Variants in ANO4 observed in about 807,000 individuals in gnomAD.
The protein encoded by ANO4 is anoctamin-4.
Under a neutral mutation model 141.9 loss-of-function variants are expected in ANO4, and 69 were observed. That is an observed-to-expected ratio of 0.49 (90% CI 0.40 to 0.59). The LOEUF is 0.59. ANO4 is among the 20% of genes least tolerant of loss of function. ANO4 has a pLI of 0.00. For missense variants in ANO4, 894 were observed against 1,162.2 expected, an observed-to-expected ratio of 0.77 and a Z score of 3.36; for synonymous variants, 350 against 394.3, an observed-to-expected ratio of 0.89 and a Z score of 1.33.
chr12:101,099,256 ATCTT>A (rs1365292181), intron 21 of ANO4, among the ~76,000 whole-genome samples: 2 of 152,176 alleles, frequency 1.3e-5, no homozygotes, highest in African/African-American at 4.8e-5. Context: ...TCCTCAAGAT[ATCTT>A]GGTGTTGCCT....
At chr12:100,932,361 G>GT (rs200048343) in intron 3 of ANO4, among the ~76,000 whole-genome samples, 5,321 of 150,494 alleles carry the variant, frequency 0.035, 130 homozygotes, top group Non-Finnish European at 0.049. Flanking sequence ...TACACTTGCT[G>GT]GTTTTTTTTT....
intron 3 of ANO4, among the ~76,000 whole-genome samples, chr12:100,774,991 A>T (rs987377560): frequency 5.5e-4 from 84 of 152,262 alleles, no homozygotes; most frequent in African/African-American, 1.9e-3. Flanking sequence ...TCTAATGCTC[A>T]TAAGGAAGTA....
intron 15 of ANO4, among the ~76,000 whole-genome samples, chr12:101,081,113 C>T (rs1175932765): frequency 2.0e-5 from 3 of 151,000 alleles, no homozygotes; most frequent in East Asian, 1.9e-4. Context: ...TGGTAGCAGC[C>T]GGACTGCATT....
chr12:100,939,831 T>C (rs936142821), intron 4 of ANO4, among the ~76,000 whole-genome samples: 1 of 152,228 alleles, frequency 6.6e-6, no homozygotes, highest in Non-Finnish European at 1.5e-5. Flanking sequence ...TTGATTGTGT[T>C]GTCTGAAGTC....
chr12:100,959,105 C>A (rs1406487322), intron 5 of ANO4, among the ~76,000 whole-genome samples: 1 of 146,706 alleles, frequency 6.8e-6, no homozygotes, highest in Non-Finnish European at 1.5e-5. Flanking sequence ...TCCCTCTCAA[C>A]CCCCCTCCAC....
rs60426257 is a variant in ANO4, at chr12:100,869,721, G to A, written c.-140-31925G>A. On this transcript the variant is annotated intron_variant, in intron 1 of 27. Coordinates refer to ENST00000392977, the MANE Select transcript of ANO4 (RefSeq NM_001286615.2). ...AGGGACTTTCTGATTTTTTCTATGC[G>A]TGCTCTCAATTGTACATTCAGAGAT... Among the ~76,000 whole-genome samples, 768 of 152,172 alleles carry A rather than the reference G, an allele frequency of 5.0e-3. 9 individuals are homozygous for A. The highest frequency in any genetic ancestry group is 0.018 in the African/African-American group (742 of 41,512).
chr12:101,113,347 A>C (rs970181765), intron 24 of ANO4, among the ~76,000 whole-genome samples: 3 of 152,250 alleles, frequency 2.0e-5, no homozygotes, highest in Non-Finnish European at 4.4e-5. Flanking sequence ...AGTGAATCAA[A>C]GATTTAGAAT....
chr12:101,019,405 C>T (rs2046433713), intron 8 of ANO4, among the ~76,000 whole-genome samples: 1 of 152,042 alleles, frequency 6.6e-6, no homozygotes, highest in South Asian at 2.1e-4. Context: ...CACACACATA[C>T]CTGCACATGC....
At chr12:101,080,541 G>A (rs2049203114) in intron 15 of ANO4, among the ~76,000 whole-genome samples, 1 of 152,128 alleles carries the variant, frequency 6.6e-6, no homozygotes, top group African/African-American at 2.4e-5. Context: ...GGCCAAGGAA[G>A]GGGTACCACT....
At chr12:100,867,351 T>A (rs1353718799) in intron 1 of ANO4, among the ~76,000 whole-genome samples, 1 of 152,138 alleles carries the variant, frequency 6.6e-6, no homozygotes, top group Non-Finnish European at 1.5e-5. Flanking sequence ...TATTTTCAGT[T>A]CATGTCCAAA....
chr12:100,953,040 C>T (rs769701980), intron 5 of ANO4, among the ~76,000 whole-genome samples: 2 of 152,104 alleles, frequency 1.3e-5, no homozygotes, highest in Admixed American at 6.5e-5. Context: ...TATTGTCATC[C>T]CACAAAAAGA....
chr12:101,056,019 T>C (rs147573268), intron 14 of ANO4, among the ~76,000 whole-genome samples: 15 of 152,306 alleles, frequency 9.8e-5, no homozygotes, highest in African/African-American at 3.4e-4. Context: ...GTTTGATGTG[T>C]ATGTGTACAC....
chr12:100,790,908 T>G (rs1466264756), upstream of ANO4, among the ~76,000 whole-genome samples: 1 of 152,206 alleles, frequency 6.6e-6, no homozygotes, highest in African/African-American at 2.4e-5. Context: ...ACATTAGCAG[T>G]TCAACCTATC....
At chr12:101,021,538 A>G (rs768859099) in intron 9 of ANO4, among the ~76,000 whole-genome samples, 2 of 152,162 alleles carry the variant, frequency 1.3e-5, no homozygotes, top group Non-Finnish European at 2.9e-5. Context: ...GCTGAGGGGA[A>G]ATAAGTTAAT....
intron 8 of ANO4, among the ~76,000 whole-genome samples, chr12:100,995,194 A>C (rs2045315720): frequency 1.3e-5 from 2 of 152,170 alleles, no homozygotes; most frequent in Admixed American, 6.5e-5. Context: ...ACAGTGTTTC[A>C]GTTCTTCAAG....
intron 1 of ANO4, among the ~76,000 whole-genome samples, chr12:100,820,471 G>A (rs546596908): frequency 1.2e-4 from 18 of 151,976 alleles, no homozygotes; most frequent in South Asian, 1.0e-3. Context: ...GTGTTGAAAT[G>A]TATTTGTGGC....
chr12:100,839,441 AG>A, intron 1 of ANO4, among the ~76,000 whole-genome samples: 1 of 152,200 alleles, frequency 6.6e-6, no homozygotes, highest in South Asian at 2.1e-4. Flanking sequence ...TTTGTAATGT[AG>A]GTACAAGAAT....
intron 1 of ANO4, among the ~76,000 whole-genome samples, chr12:100,870,678 AG>A (rs773557577): frequency 6.6e-6 from 1 of 152,120 alleles, no homozygotes; most frequent in South Asian, 2.1e-4. Flanking sequence ...TATGGACTGG[AG>A]GACAATAAGT....
intron 1 of ANO4, among the ~76,000 whole-genome samples, chr12:100,823,315 G>C (rs2036155297): frequency 6.6e-6 from 1 of 151,966 alleles, no homozygotes; most frequent in Admixed American, 6.6e-5. Context: ...AATTCAGGAA[G>C]AAAAGGATTA....
Sources: gnomAD v4.1 joint callset for allele counts (sites outside exome capture counted in the v4.1 genomes callset) on GRCh38, gnomAD v4.1.1 for gene constraint, MANE v1.5 for transcripts, NCBI Gene and HGNC (gene_info 2026-07-23, HGNC 2026-07-21) for gene names.